LRRTM4: variants seen among roughly 807,000 people sequenced by gnomAD.
LRRTM4 encodes the protein leucine-rich repeat transmembrane neuronal protein 4.
Under a neutral mutation model 47.6 loss-of-function variants are expected in LRRTM4, and 25 were observed. The ratio of observed to expected loss-of-function variants is 0.53; its 90% CI spans 0.38 to 0.73. LRRTM4 has a LOEUF of 0.73. Ranked by LOEUF, LRRTM4 falls within the 30% of genes least tolerant of loss-of-function variation. The pLI is 0.00. For missense variants in LRRTM4, 638 were observed against 713.4 expected (o/e 0.89, Z 1.20); for synonymous variants, 311 against 269.5 (o/e 1.15, Z -1.51).
intron 3 of LRRTM4, among the ~76,000 whole-genome samples, chr2:77,179,164 C>T (rs146255451): frequency 6.6e-6 from 1 of 152,190 alleles, no homozygotes; most frequent in East Asian, 1.9e-4. Context: ...TCTATGGATG[C>T]CCCAGTCAAT....
At chr2:77,303,951 C>A (rs1677206090) in intron 3 of LRRTM4, among the ~76,000 whole-genome samples, 1 of 152,148 alleles carries the variant, frequency 6.6e-6, no homozygotes, top group African/African-American at 2.4e-5. Flanking sequence ...ATACTGACTT[C>A]ATTTCCTTTG....
At chr2:77,319,041 A>G (rs17013986) in intron 3 of LRRTM4, among the ~76,000 whole-genome samples, 36,233 of 151,980 alleles carry the variant, frequency 0.24, 4,896 homozygotes, top group East Asian at 0.42. Flanking sequence ...GGATTACTCA[A>G]GGGCTACAGT....
At chr2:77,467,668 T>C (rs1922804) in intron 3 of LRRTM4, among the ~76,000 whole-genome samples, 2 of 152,044 alleles carry the variant, frequency 1.3e-5, no homozygotes, top group Admixed American at 1.3e-4. Context: ...TAGAGTGAGA[T>C]TGAGTTCATA....
chr2:76,792,584 CAG>C lies in LRRTM4; in HGVS notation c.1552-43670_1552-43669del, dbSNP rs1402873371. Among the ~76,000 whole-genome samples the C allele has an allele frequency of 2.6e-5, 4 of 152,062 alleles. No homozygotes were observed. In the East Asian group the frequency reaches 5.8e-4, roughly 22 times the overall value. ...TTATATTAATTCTTCTAGTAACAAT[CAG>C]AGAATAAAGTGTGTGATGCAAGAGA... On this transcript the variant is annotated intron_variant, in intron 3 of 3. Transcript: ENST00000409884.
intron 3 of LRRTM4, among the ~76,000 whole-genome samples, chr2:77,207,340 C>A (rs906470977): frequency 2.7e-4 from 24 of 90,032 alleles, no homozygotes; most frequent in African/African-American, 1.6e-3. Flanking sequence ...TTCCTAATTT[C>A]ATATATGTGT....
chr2:77,024,475 G>A (rs906344350), intron 3 of LRRTM4, among the ~76,000 whole-genome samples: 1 of 149,070 alleles, frequency 6.7e-6, no homozygotes, highest in African/African-American at 2.5e-5. Context: ...GCATGTCATT[G>A]GTTGCAAAGG....
intron 3 of LRRTM4, among the ~76,000 whole-genome samples, chr2:77,147,705 C>T (rs1438972343): frequency 6.6e-6 from 1 of 152,126 alleles, no homozygotes. Flanking sequence ...AAAACTCCCC[C>T]TTGGATGTAA....
intron 3 of LRRTM4, among the ~76,000 whole-genome samples, chr2:76,875,491 T>C (rs926502312): frequency 1.3e-5 from 2 of 152,190 alleles, no homozygotes; most frequent in Middle Eastern, 3.4e-3. Context: ...GTTGGAAAAA[T>C]GAATGAATTG....
intron 3 of LRRTM4, among the ~76,000 whole-genome samples, chr2:76,813,685 T>C (rs368434684): frequency 3.9e-4 from 60 of 152,150 alleles, no homozygotes; most frequent in African/African-American, 1.2e-3. Context: ...GACTGATTGA[T>C]AGGCTTTAGG....
chr2:77,178,718 G>C (rs1673268735), intron 3 of LRRTM4, among the ~76,000 whole-genome samples: 1 of 151,784 alleles, frequency 6.6e-6, no homozygotes, highest in Non-Finnish European at 1.5e-5. Context: ...TCAATCAATT[G>C]TTCCTAATGT....
chr2:77,092,348 A>G (rs1670674556), intron 3 of LRRTM4, among the ~76,000 whole-genome samples: 2 of 151,228 alleles, frequency 1.3e-5, no homozygotes, highest in Non-Finnish European at 2.9e-5. Context: ...CCCTGATCAC[A>G]CTTGATTTAT....
At chr2:76,776,767 A>G (rs1674018838) in intron 3 of LRRTM4, among the ~76,000 whole-genome samples, 2 of 141,800 alleles carry the variant, frequency 1.4e-5, no homozygotes, top group African/African-American at 5.3e-5. Flanking sequence ...GTTTAATTAG[A>G]TCCCATTTGT....
At chr2:77,251,188 T>TAC (rs546102819) in intron 3 of LRRTM4, among the ~76,000 whole-genome samples, 2,225 of 34,486 alleles carry the variant, frequency 0.065, 32 homozygotes, top group Middle Eastern at 0.1. Flanking sequence ...TGTATATATA[T>TAC]ACACACACAC....
chr2:77,060,973 G>A (rs1200930909), intron 3 of LRRTM4, among the ~76,000 whole-genome samples: 1 of 151,972 alleles, frequency 6.6e-6, no homozygotes, highest in Non-Finnish European at 1.5e-5. Flanking sequence ...AAATTATAAA[G>A]TTATATCAGT....
intron 3 of LRRTM4, among the ~76,000 whole-genome samples, chr2:77,145,425 A>G (rs1490102544): frequency 2.6e-5 from 4 of 151,964 alleles, no homozygotes; most frequent in African/African-American, 7.2e-5. Context: ...AAATACAGAA[A>G]CAATATTTGA....
intron 3 of LRRTM4, among the ~76,000 whole-genome samples, chr2:76,849,839 A>T (rs970095597): frequency 2.0e-5 from 3 of 152,102 alleles, no homozygotes; most frequent in Admixed American, 6.6e-5. Context: ...TTTTTTTTAA[A>T]AAGTAAGTGC....
At chr2:76,847,493 T>C (rs1671871066) in intron 3 of LRRTM4, among the ~76,000 whole-genome samples, 1 of 152,078 alleles carries the variant, frequency 6.6e-6, no homozygotes. Flanking sequence ...CTCCTATTAG[T>C]TTACTAAAAT....
At chr2:77,190,536 G>A (rs561149729) in intron 3 of LRRTM4, among the ~76,000 whole-genome samples, 48 of 152,144 alleles carry the variant, frequency 3.2e-4, no homozygotes, top group African/African-American at 1.0e-3. Context: ...CTGACCTCAG[G>A]TGATCTGCCC....
chr2:77,023,984 G>T (rs905610591), intron 3 of LRRTM4, among the ~76,000 whole-genome samples: 10 of 152,192 alleles, frequency 6.6e-5, no homozygotes, highest in Admixed American at 6.5e-5. Context: ...TGGACTTACA[G>T]TTCCACATGG....
Sources: allele counts gnomAD v4.1 joint callset (sites outside exome capture counted in the v4.1 genomes callset), GRCh38; gene constraint gnomAD v4.1.1; transcripts MANE v1.5; gene names NCBI Gene and HGNC (gene_info 2026-07-23, HGNC 2026-07-21).